The following WDPCP variants were observed in gnomAD, a reference collection of about 807,000 sequenced individuals.
WDPCP encodes WD repeat-containing and planar cell polarity effector protein fritz homolog.
A neutral mutation model predicts 93.1 loss-of-function variants in WDPCP; 71 were observed. The observed-to-expected ratio is 0.76, with a 90% CI of 0.63 to 0.93. The LOEUF (loss-of-function observed/expected upper bound fraction) is 0.93, where lower values mean the gene tolerates loss of function less well. WDPCP is among the 40% of genes least tolerant of loss of function. WDPCP has a pLI of 0.00. For missense variants in WDPCP, 844 were observed against 887.4 expected (o/e 0.95, Z 0.62); for synonymous variants, 315 against 315.0 (o/e 1.00, Z 0.00).
chr2:63,142,806 G>A (rs1671173684), intron 17 of WDPCP, among the ~76,000 whole-genome samples: 2 of 146,462 alleles, frequency 1.4e-5, no homozygotes, highest in South Asian at 2.3e-4. Context: ...TTTGGGAGCT[G>A]CAGTGTTAGG....
At chr2:63,350,782 G>A (rs1689543189) in intron 12 of WDPCP, among the ~76,000 whole-genome samples, 1 of 151,962 alleles carries the variant, frequency 6.6e-6, no homozygotes, top group Non-Finnish European at 1.5e-5. Context: ...CATTTCTGTG[G>A]CACGGCAAGG....
intron 17 of WDPCP, among the ~76,000 whole-genome samples, chr2:63,123,393 C>T (rs1013360326): frequency 2.0e-5 from 3 of 152,088 alleles, no homozygotes; most frequent in Admixed American, 6.5e-5. Context: ...ACTATCGTGT[C>T]GTTCAGCCAT....
chr2:63,344,200 T>C (rs1318246282), intron 12 of WDPCP, among the ~76,000 whole-genome samples: 1 of 152,230 alleles, frequency 6.6e-6, no homozygotes, highest in Non-Finnish European at 1.5e-5. Flanking sequence ...CCCATTTTAT[T>C]AGTGACATTC....
intron 3 of WDPCP, among the ~76,000 whole-genome samples, chr2:63,644,433 AG>A (rs1185309897): frequency 1.3e-5 from 2 of 151,838 alleles, no homozygotes; most frequent in Non-Finnish European, 2.9e-5. Context: ...TAGTAGAGAC[AG>A]GGTTTCACCA....
intron 13 of WDPCP, among the ~76,000 whole-genome samples, chr2:63,293,672 A>C (rs1250922418): frequency 6.6e-6 from 1 of 152,226 alleles, no homozygotes; most frequent in Non-Finnish European, 1.5e-5. Context: ...GAAAACATCA[A>C]TAAAAAGAAA....
intron 3 of WDPCP, among the ~76,000 whole-genome samples, chr2:63,613,435 G>A (rs1709636928): frequency 6.6e-6 from 1 of 152,198 alleles, no homozygotes; most frequent in South Asian, 2.1e-4. Flanking sequence ...AAGGAGCCTG[G>A]GGCTTTTATT....
chr2:63,616,341 G>C (rs1478980849), intron 3 of WDPCP, among the ~76,000 whole-genome samples: 1 of 152,162 alleles, frequency 6.6e-6, no homozygotes, highest in Non-Finnish European at 1.5e-5. Flanking sequence ...TTTTAGGAAA[G>C]AAAAGGTCTG....
chr2:63,571,460 T>C, intron 1 of WDPCP: 1 of 468,078 alleles, frequency 2.1e-6, no homozygotes. Context: ...TTAGCATTTC[T>C]TGCAGTGAAG....
intron 12 of WDPCP, among the ~76,000 whole-genome samples, chr2:63,344,949 T>G (rs1689093122): frequency 6.6e-6 from 1 of 152,184 alleles, no homozygotes; most frequent in Non-Finnish European, 1.5e-5. Context: ...TAACCAAAAT[T>G]TAGCAGCTTC....
intron 1 of WDPCP, among the ~76,000 whole-genome samples, chr2:63,565,701 A>G (rs986149122): frequency 3.3e-5 from 5 of 152,196 alleles, no homozygotes; most frequent in African/African-American, 1.2e-4. Flanking sequence ...TTAAGCCTCT[A>G]TTTTTGAAAA....
chr2:63,584,596 T>C (rs1708719866), intron 1 of WDPCP, among the ~76,000 whole-genome samples: 1 of 152,202 alleles, frequency 6.6e-6, no homozygotes, highest in Admixed American at 6.5e-5. Context: ...ATTTTCCTAT[T>C]GATGGCCATA....
At chr2:63,345,508 A>C (rs541787379) in intron 12 of WDPCP, among the ~76,000 whole-genome samples, 1 of 152,306 alleles carries the variant, frequency 6.6e-6, no homozygotes, top group Admixed American at 6.5e-5. Context: ...TGAAAGACTG[A>C]GTGCTATTTA....
chr2:63,500,485 A>G (rs1176055025), intron 1 of WDPCP, among the ~76,000 whole-genome samples: 1 of 66,094 alleles, frequency 1.5e-5, no homozygotes, highest in East Asian at 1.1e-3. Flanking sequence ...GTGTGTGTAA[A>G]GTGGTTATAC....
intron 10 of WDPCP, among the ~76,000 whole-genome samples, chr2:63,393,499 T>G (rs1693454161): frequency 6.6e-6 from 1 of 151,358 alleles, no homozygotes; most frequent in African/African-American, 2.4e-5. Flanking sequence ...CTGCATGTTG[T>G]GCACATGTAC....
upstream of WDPCP, chr2:63,590,845 G>A (rs529501773): frequency 1.1e-4 from 16 of 152,274 alleles, no homozygotes; most frequent in South Asian, 3.1e-3. Context: ...CCCTCAGGAG[G>A]GTGTGTGAAT....
chr2:63,833,746 TAAG>T, the WDPCP span, among the ~76,000 whole-genome samples: 1 of 152,128 alleles, frequency 6.6e-6, no homozygotes, highest in Admixed American at 6.5e-5. Flanking sequence ...AAAAATAATA[TAAG>T]AAGAGGTTCT....
intron 14 of WDPCP, among the ~76,000 whole-genome samples, chr2:63,191,857 T>A (rs937776901): frequency 1.3e-5 from 2 of 152,204 alleles, no homozygotes; most frequent in Non-Finnish European, 2.9e-5. Context: ...AAATTCAAAT[T>A]TCAGTGTCCA....
intron 1 of WDPCP, among the ~76,000 whole-genome samples, chr2:63,541,030 A>G (rs1395690552): frequency 2.0e-5 from 3 of 152,144 alleles, no homozygotes; most frequent in Admixed American, 2.0e-4. Flanking sequence ...GCTGGAGTGC[A>G]GTAGCATGAT....
chr2:63,835,291 G>A, the WDPCP span, among the ~76,000 whole-genome samples: 1 of 150,094 alleles, frequency 6.7e-6, no homozygotes, highest in Non-Finnish European at 1.5e-5. Context: ...TTGGGAGACT[G>A]AGGCAGGAGA....
Sources: gnomAD v4.1 joint callset for allele counts (sites outside exome capture counted in the v4.1 genomes callset) on GRCh38, gnomAD v4.1.1 for gene constraint, MANE v1.5 for transcripts, NCBI Gene and HGNC (gene_info 2026-07-23, HGNC 2026-07-21) for gene names.